The following NLN variants were observed in gnomAD, a reference collection of about 807,000 sequenced individuals.
NLN encodes the protein neurolysin.
NLN carries 64 observed loss-of-function variants against 79.9 expected under a neutral mutation model. The observed-to-expected ratio is 0.80, with a 90% CI of 0.65 to 0.99. The LOEUF (loss-of-function observed/expected upper bound fraction) is 0.99, where lower values mean the gene tolerates loss of function less well. NLN is among the 50% of genes least tolerant of loss of function. The pLI is 0.00. For synonymous variants in NLN, 267 were observed against 296.6 expected (o/e 0.90, Z 1.02); for missense variants, 835 against 858.7 (o/e 0.97, Z 0.34).
chr5:65,740,405 G>A (rs1758843386), intron 1 of NLN, among the ~76,000 whole-genome samples: 1 of 152,104 alleles, frequency 6.6e-6, no homozygotes, highest in Admixed American at 6.5e-5. Context: ...ACTTATGAAG[G>A]CAAAGCCCTC....
At chr5:65,744,295 G>A (rs1729636810) in intron 1 of NLN, among the ~76,000 whole-genome samples, 1 of 152,154 alleles carries the variant, frequency 6.6e-6, no homozygotes, top group South Asian at 2.1e-4. Context: ...ACCACACCCG[G>A]CCTGCTACCT....
chr5:65,791,363 G>C (rs544408318), intron 8 of NLN, among the ~76,000 whole-genome samples: 15 of 152,288 alleles, frequency 9.8e-5, no homozygotes, highest in African/African-American at 3.4e-4. Flanking sequence ...TTTGAGACCA[G>C]CTTGGCCAAC....
chr5:65,780,467 A>AT (rs1759775947), intron 5 of NLN, among the ~76,000 whole-genome samples, 186 bp downstream of exon 5: 1 of 152,108 alleles, frequency 6.6e-6, no homozygotes, highest in Non-Finnish European at 1.5e-5. Flanking sequence ...CCAAAATTAG[A>AT]TTTTAGGCTA....
chr5:65,759,680 C>G (rs1476380650), intron 2 of NLN, among the ~76,000 whole-genome samples: 1 of 152,010 alleles, frequency 6.6e-6, no homozygotes, highest in African/African-American at 2.4e-5. Context: ...CTTTTAGGCC[C>G]TAAACTGTTT....
At chr5:65,722,467 C>G in intron 1 of NLN, 53 bp downstream of exon 1, 1 of 1,487,242 alleles carries the variant, frequency 6.7e-7, no homozygotes. Context: ...GGGTCTTTCG[C>G]CGTGTGGTGC....
chr5:65,780,202 A>T lies in NLN; in HGVS notation c.582A>T (p.Arg194Ser). Residue 194 changes from arginine to serine, a missense_variant, in exon 5 of 13, where the codon AGA becomes AGT. Transcript: ENST00000380985. ...AGGAAATCAAATCAATGAAGAAAAG[A>T]ATGAGTGAGCTATGTATTGATTTTA... Reference protein sequence around the residue: ...VQNEIKSMKKRMSELCIDFNK... With the variant: ...VQNEIKSMKKSMSELCIDFNK... 1 of 1,375,458 alleles carries T rather than the reference A, an allele frequency of 7.3e-7. No homozygotes were observed. The highest frequency in any genetic ancestry group is 1.0e-6 in the Non-Finnish European group (1 of 971,814). 85.2% of individuals were successfully genotyped at this position (1,375,458 alleles called of 1,614,324 possible).
At position 65,747,643 on chromosome 5, in the gene NLN, C is replaced by T. The variant is rs189442950; in HGVS notation, c.42-10924C>T. On this transcript the variant is annotated intron_variant, in intron 1 of 12. Coordinates refer to ENST00000380985, the MANE Select transcript of NLN (RefSeq NM_020726.5). The stretch of plus-strand genomic sequence containing the variant: ...TGTACGGATGCCCCCACCTATATGT[C>T]CAAACTCTGACCACACTCCCTGCTC... 9.9e-5 allele frequency among the ~76,000 whole-genome samples: 15 copies of T among 152,260 alleles called. No homozygotes were observed. In the East Asian group the frequency reaches 2.7e-3, roughly 27 times the overall value.
In NLN at chr5:65,823,608, C is replaced by T. The variant is rs1760848543; in HGVS notation, c.*693C>T. On this transcript the variant is annotated 3_prime_UTR_variant, in exon 13 of 13. Transcript: ENST00000380985. ...TGGTGTAATGTATAAGTTTTTGTAT[C>T]TTGTATTAGAGGATTTCGTAGCTTT... The T allele has an allele frequency of 6.6e-6, 1 of 152,058 alleles. No individual in the cohort carries two copies. The highest frequency in any genetic ancestry group is 2.4e-5 in the African/African-American group (1 of 41,404). The allele number at this position is 152,058 out of a possible 1,614,324, so 9.4% of individuals were successfully genotyped here. A position where few individuals can be genotyped will look rare whatever the true frequency, so the allele number is the denominator to read the frequency against.
In NLN at chr5:65,758,595, A is replaced by G; in HGVS notation, c.70A>G (p.Met24Val). 1.2e-6 allele frequency: 2 copies of G among 1,610,496 alleles called. No individual in the cohort carries two copies. The highest frequency in any genetic ancestry group is 1.7e-6 in the Non-Finnish European group (2 of 1,176,910). Residue 24 changes from methionine (M) to valine (V), a missense_variant, in exon 2 of 13, where the codon ATG becomes GTG. Coordinates refer to ENST00000380985, the MANE Select transcript of NLN (RefSeq NM_020726.5). ...TGGTGGTTCCAGGATTTTACTCAGA[A>G]TGACGTTAGGAAGAGAAGTGATGTC... is the stretch of plus-strand genomic sequence containing the variant. ...RVGGSRILLRMTLGREVMSPL... is the reference protein window; with the variant it reads ...RVGGSRILLRVTLGREVMSPL...
chr5:65,780,817 G>A (rs532580866), intron 5 of NLN, among the ~76,000 whole-genome samples: 1 of 152,312 alleles, frequency 6.6e-6, no homozygotes, highest in African/African-American at 2.4e-5. Context: ...GGGACTACAG[G>A]CATGTGCCAC....
intron 3 of NLN, among the ~76,000 whole-genome samples, chr5:65,772,510 G>A (rs1759589928): frequency 6.6e-6 from 1 of 152,200 alleles, no homozygotes; most frequent in African/African-American, 2.4e-5. Context: ...TAGCCCAGGA[G>A]TGCAGACAAC....
chr5:65,803,130 C>A (rs1313513808), intron 9 of NLN, among the ~76,000 whole-genome samples: 1 of 152,168 alleles, frequency 6.6e-6, no homozygotes, highest in Non-Finnish European at 1.5e-5. Context: ...GTGGGCCTGG[C>A]AAAAGCACCA....
chr5:65,786,803 A>C (rs1759934130), intron 7 of NLN, among the ~76,000 whole-genome samples: 1 of 152,186 alleles, frequency 6.6e-6, no homozygotes. Flanking sequence ...TCAAGGCTGC[A>C]GTGAGCCATG....
chr5:65,788,614 T>C (rs1415036860), intron 8 of NLN, 130 bp downstream of exon 8: 1 of 924,256 alleles, frequency 1.1e-6, no homozygotes, highest in African/African-American at 1.7e-5. Context: ...GGTGGGAGGA[T>C]TGCTTGAGGC....
intron 1 of NLN, among the ~76,000 whole-genome samples, chr5:65,750,800 A>G (rs1472795723): frequency 6.6e-6 from 1 of 151,986 alleles, no homozygotes; most frequent in Non-Finnish European, 1.5e-5. Context: ...AAGGAAGGAG[A>G]AAGAAAAAGA....
rs1758626803 is a variant in NLN, at chr5:65,732,270, C to T, written c.41+9856C>T. 1.4e-5 allele frequency among the ~76,000 whole-genome samples: 2 copies of T among 142,364 alleles called. 1 individual carries two copies. Among genetic ancestry groups the T allele is most frequent in the Non-Finnish European group, 3.1e-5 (2 of 63,852 alleles). 93.4% of individuals were successfully genotyped at this position (142,364 alleles called of 152,430 possible). A position where few individuals can be genotyped will look rare whatever the true frequency, so the allele number is the denominator to read the frequency against. On this transcript the variant is annotated intron_variant, in intron 1 of 12. Coordinates refer to ENST00000380985, the MANE Select transcript of NLN (RefSeq NM_020726.5). Reference sequence around the variant, plus strand: ...ATAGCTTACATTAGAAAGACTCTGCCCAGAGGGATGGCCCGGGCCAGATGC... The same window carrying T: ...ATAGCTTACATTAGAAAGACTCTGCTCAGAGGGATGGCCCGGGCCAGATGC...
At chr5:65,724,811 T>C (rs990710545) in intron 1 of NLN, among the ~76,000 whole-genome samples, 3 of 149,310 alleles carry the variant, frequency 2.0e-5, no homozygotes, top group Non-Finnish European at 3.0e-5. Flanking sequence ...TTTCTTTTTT[T>C]TTTTTTTTGA....
chr5:65,761,329 G>A (rs1007412935), intron 2 of NLN, among the ~76,000 whole-genome samples: 8 of 151,368 alleles, frequency 5.3e-5, no homozygotes, highest in Non-Finnish European at 1.0e-4. Flanking sequence ...TTTCACTCTT[G>A]TTGCCCAGGT....
rs1759279945 is a variant in NLN, at chr5:65,758,824, T to C, written c.299T>C (p.Ile100Thr). The change falls in exon 2 of 13, where the codon ATA becomes ACA. Residue 100 changes from isoleucine (I) to threonine (T), a missense_variant and splice_region_variant. Ile to Thr is a moderately conservative substitution (Grantham distance 89). Transcript: ENST00000380985. ...QALADVEVKYIVERTMLDFPQ... is the reference protein window; with the variant it reads ...QALADVEVKYTVERTMLDFPQ... ...CTGGCAGATGTAGAAGTAAAGTATATAGGTGGGTCAGATGCAGAAGCATAT... is the reference window on the plus strand; with the variant it reads ...CTGGCAGATGTAGAAGTAAAGTATACAGGTGGGTCAGATGCAGAAGCATAT... The C allele has an allele frequency of 1.2e-6, 2 of 1,608,586 alleles. No homozygotes were observed. Among genetic ancestry groups the C allele is most frequent in the Non-Finnish European group, 1.7e-6 (2 of 1,175,462 alleles).
Sources: allele counts gnomAD v4.1 joint callset (sites outside exome capture counted in the v4.1 genomes callset), GRCh38; gene constraint gnomAD v4.1.1; transcripts MANE v1.5; gene names NCBI Gene and HGNC (gene_info 2026-07-23, HGNC 2026-07-21).